The following PLCE1 variants were observed in gnomAD, a reference collection of about 807,000 sequenced individuals.
The protein encoded by PLCE1 is phospholipase C epsilon 1, also known as 1-phosphatidylinositol 4,5-bisphosphate phosphodiesterase epsilon-1.
PLCE1 carries 119 observed loss-of-function variants against 242.8 expected under a neutral mutation model. The ratio of observed to expected loss-of-function variants is 0.49; its 90% CI spans 0.42 to 0.57. The LOEUF is 0.57. Ranked by LOEUF, PLCE1 falls within the 20% of genes least tolerant of loss-of-function variation. The pLI is 0.00. For missense variants in PLCE1, 2,441 were observed against 2,788.8 expected (o/e 0.88, Z 2.81); for synonymous variants, 945 against 1,017.4 (o/e 0.93, Z 1.35).
intron 3 of PLCE1, among the ~76,000 whole-genome samples, chr10:94,156,028 T>C (rs1031921424): frequency 5.9e-5 from 9 of 152,194 alleles, no homozygotes; most frequent in Non-Finnish European, 1.2e-4. Context: ...AGCAATGTTT[T>C]AGCATGAAAG....
chr10:94,201,474 G>A (rs547752816), intron 4 of PLCE1, among the ~76,000 whole-genome samples: 1 of 152,198 alleles, frequency 6.6e-6, no homozygotes, highest in East Asian at 1.9e-4. Flanking sequence ...GTTTAATCTT[G>A]ATGAAGTTTT....
intron 22 of PLCE1, among the ~76,000 whole-genome samples, chr10:94,287,690 T>G (rs1478733888): frequency 1.3e-5 from 2 of 152,080 alleles, no homozygotes; most frequent in African/African-American, 4.8e-5. Flanking sequence ...CTCGGTTGCA[T>G]TTAGTACTTC....
Position 94,298,810 on chromosome 10 carries a change from A to C in PLCE1, c.5458+141A>C. 1 of 885,822 alleles carries C rather than the reference A, an allele frequency of 1.1e-6. No homozygotes were observed. 54.9% of individuals were successfully genotyped at this position (885,822 alleles called of 1,614,324 possible). ...GTAAAAATATGATGATGGAAAACAG[A>C]AGTGAATTTGATACTGAATTGTGCC... is the stretch of plus-strand genomic sequence containing the variant. On this transcript the variant is annotated intron_variant, in intron 24 of 32. Coordinates refer to ENST00000371380, the MANE Select transcript of PLCE1 (RefSeq NM_016341.4). The surrounding 1 kb of genome is among the most constrained non-coding windows in gnomAD (Gnocchi z 5.2).
At chr10:94,208,573 A>G (rs974803325) in intron 4 of PLCE1, among the ~76,000 whole-genome samples, 2 of 152,240 alleles carry the variant, frequency 1.3e-5, no homozygotes, top group Non-Finnish European at 2.9e-5. Flanking sequence ...CTGCATTTTA[A>G]TAAGATCCCC....
chr10:94,255,396 A>G (rs969735800), intron 11 of PLCE1, among the ~76,000 whole-genome samples: 2 of 152,222 alleles, frequency 1.3e-5, no homozygotes, highest in African/African-American at 4.8e-5. Context: ...CAGTCACAGT[A>G]GTGACATTTC....
At chr10:94,069,047 C>T (rs1462464966) in intron 2 of PLCE1, among the ~76,000 whole-genome samples, 2 of 152,170 alleles carry the variant, frequency 1.3e-5, no homozygotes, top group Non-Finnish European at 2.9e-5. Context: ...AAAAGGAATC[C>T]TTTACAAACA....
At chr10:94,299,629 A>G (rs1224633222) in intron 24 of PLCE1, among the ~76,000 whole-genome samples, 1 of 152,230 alleles carries the variant, frequency 6.6e-6, no homozygotes, top group Non-Finnish European at 1.5e-5. Flanking sequence ...AACTGAATCC[A>G]ATCTCATCTA....
At chr10:94,068,864 T>A (rs2044273564) in intron 2 of PLCE1, among the ~76,000 whole-genome samples, 1 of 152,226 alleles carries the variant, frequency 6.6e-6, no homozygotes, top group Admixed American at 6.5e-5. Flanking sequence ...CTCGACTGTA[T>A]TAATTTGTTA....
chr10:94,308,727 A>G, intron 27 of PLCE1, 28 bp downstream of exon 27: 3 of 1,380,094 alleles, frequency 2.2e-6, no homozygotes, highest in Non-Finnish European at 3.1e-6. Context: ...CACTCAACAT[A>G]TTTATGGGGA....
At chr10:94,316,820 C>A in intron 29 of PLCE1, 64 bp downstream of exon 29, 2 of 1,175,954 alleles carry the variant, frequency 1.7e-6, no homozygotes, top group Non-Finnish European at 2.6e-6. Context: ...ATTTACCACT[C>A]ACAACCTCCC....
At chr10:94,133,614 AC>A (rs2046675952) in intron 3 of PLCE1, among the ~76,000 whole-genome samples, 1 of 151,726 alleles carries the variant, frequency 6.6e-6, no homozygotes, top group Non-Finnish European at 1.5e-5. Flanking sequence ...CCACACACAC[AC>A]CCCTAGACAG....
chr10:94,215,920 CAAAT>C lies in PLCE1; in HGVS notation c.1810-11382_1810-11379del, dbSNP rs952198351. Among the ~76,000 whole-genome samples, 3 of 151,810 alleles carry C rather than the reference CAAAT, an allele frequency of 2.0e-5. No homozygotes were observed. The South Asian group carries it at 6.2e-4, about 32-fold the overall frequency. On this transcript the variant is annotated intron_variant, in intron 4 of 32. Coordinates refer to ENST00000371380, the MANE Select transcript of PLCE1 (RefSeq NM_016341.4). ...CCTGGGTGACAATGAGACCCGAACT[CAAAT>C]AAAATAAAATAAAATAGGCCAAGAC...
intron 20 of PLCE1, chr10:94,283,024 GT>G (rs2052300175): frequency 6.6e-6 from 1 of 152,168 alleles, no homozygotes; most frequent in South Asian, 2.1e-4. Context: ...CTAATCGTTT[GT>G]GCTCTGATGA....
chr10:94,259,905 C>A (rs2051238093), intron 13 of PLCE1, among the ~76,000 whole-genome samples: 1 of 152,110 alleles, frequency 6.6e-6, no homozygotes, highest in Non-Finnish European at 1.5e-5. Flanking sequence ...GACAAGAGAA[C>A]TTGTGCAGGA....
chr10:94,039,363 G>A lies in PLCE1; in HGVS notation c.1206+7111G>A, dbSNP rs773259468. On this transcript the variant is annotated intron_variant, in intron 2 of 32. Coordinates refer to ENST00000371380, the MANE Select transcript of PLCE1 (RefSeq NM_016341.4). Reference sequence around the variant, plus strand: ...TACATTCCCACCAGCAATGCAAAAGGGTTCTAGTTTCTCCATATCTTTTTT... The same window carrying A: ...TACATTCCCACCAGCAATGCAAAAGAGTTCTAGTTTCTCCATATCTTTTTT... Among the ~76,000 whole-genome samples the A allele has an allele frequency of 3.3e-5, 5 of 151,158 alleles. No individual in the cohort carries two copies. In the South Asian group the frequency reaches 8.3e-4, roughly 25 times the overall value.
chr10:94,253,109 A>G (rs1260510145), intron 9 of PLCE1, among the ~76,000 whole-genome samples: 3 of 152,208 alleles, frequency 2.0e-5, no homozygotes, highest in African/African-American at 7.2e-5. Context: ...CTATGAAGTG[A>G]TAATATATTT....
chr10:94,187,699 T>G (rs972370523), intron 4 of PLCE1, among the ~76,000 whole-genome samples: 6 of 152,068 alleles, frequency 3.9e-5, no homozygotes, highest in African/African-American at 1.4e-4. Context: ...ATGCTGTGGG[T>G]GATGAGTCTG....
chr10:94,191,808 A>G (rs2136618542), intron 4 of PLCE1, among the ~76,000 whole-genome samples: 1 of 152,300 alleles, frequency 6.6e-6, no homozygotes, highest in East Asian at 1.9e-4. Context: ...CAGTTATTTC[A>G]TCTCAGCCTT....
chr10:94,178,873 T>C (rs2048207833), intron 4 of PLCE1, among the ~76,000 whole-genome samples: 1 of 152,226 alleles, frequency 6.6e-6, no homozygotes, highest in Non-Finnish European at 1.5e-5. Flanking sequence ...TTTGAATTTG[T>C]ATATTGAACC....
Sources: gnomAD v4.1 joint callset for allele counts (sites outside exome capture counted in the v4.1 genomes callset) on GRCh38, gnomAD v4.1.1 for gene constraint, Gnocchi (gnomAD v3.1) non-coding constraint, MANE v1.5 for transcripts, NCBI Gene and HGNC (gene_info 2026-07-23, HGNC 2026-07-21) for gene names.